Variants in SLC9A9 observed in about 807,000 individuals in gnomAD.
The protein encoded by SLC9A9 is solute carrier family 9 member A9, also known as sodium/hydrogen exchanger 9.
A neutral mutation model predicts 77.8 loss-of-function variants in SLC9A9; 62 were observed. That is an observed-to-expected ratio of 0.80 (90% CI 0.65 to 0.98). The LOEUF is 0.98. SLC9A9 is among the 50% of genes least tolerant of loss of function. The pLI is 0.00. For synonymous variants in SLC9A9, 320 were observed against 283.5 expected, an observed-to-expected ratio of 1.13 and a Z score of -1.29; for missense variants, 775 against 774.9, an observed-to-expected ratio of 1.00 and a Z score of 0.00.
In SLC9A9 at chr3:143,795,571, T is replaced by A. The variant is rs374457635; in HGVS notation, c.457-494A>T. Reference sequence around the variant, plus strand: ...CTTCTGAATGTGATGAAAATAAACTTTAAAAATCTACAACAGCCTGGTGGG... The same window carrying A: ...CTTCTGAATGTGATGAAAATAAACTATAAAAATCTACAACAGCCTGGTGGG... On this transcript the variant is annotated intron_variant, in intron 3 of 15. Transcript: ENST00000316549. Among the ~76,000 whole-genome samples the A allele has an allele frequency of 6.2e-4, 94 of 152,280 alleles. No homozygotes were observed. The South Asian group carries it at 0.013, about 22-fold the overall frequency.
chr3:143,453,334 C>G (rs558873916), intron 12 of SLC9A9, among the ~76,000 whole-genome samples: 4 of 152,028 alleles, frequency 2.6e-5, no homozygotes, highest in African/African-American at 9.6e-5. Context: ...AATGGAAAAG[C>G]CTTTAGTTCA....
intron 2 of SLC9A9, among the ~76,000 whole-genome samples, chr3:143,810,598 G>A (rs2008839512): frequency 1.3e-5 from 2 of 152,310 alleles, no homozygotes; most frequent in African/African-American, 4.8e-5. Flanking sequence ...ATATGCATGG[G>A]CAAATGAAAT....
intron 4 of SLC9A9, among the ~76,000 whole-genome samples, chr3:143,792,712 C>T (rs1013303416): frequency 6.6e-6 from 1 of 152,162 alleles, no homozygotes; most frequent in Admixed American, 6.5e-5. Flanking sequence ...ACTTCACTTA[C>T]TTGCCCTGGG....
intron 6 of SLC9A9, among the ~76,000 whole-genome samples, chr3:143,613,659 A>G (rs2038054806): frequency 6.6e-6 from 1 of 151,628 alleles, no homozygotes. Context: ...TTCTCACTGA[A>G]TTATAATGCC....
chr3:143,706,571 C>T (rs1013955028), intron 4 of SLC9A9, among the ~76,000 whole-genome samples: 3 of 152,212 alleles, frequency 2.0e-5, no homozygotes, highest in African/African-American at 7.2e-5. Context: ...CCCCATTCAG[C>T]TCTGCTGTGG....
intron 4 of SLC9A9, among the ~76,000 whole-genome samples, chr3:143,760,064 A>G (rs1008072203): frequency 6.6e-6 from 1 of 152,146 alleles, no homozygotes; most frequent in African/African-American, 2.4e-5. Context: ...CAAATAGTTT[A>G]CTATCTTGAG....
chr3:143,407,418 A>G (rs1050643041), intron 12 of SLC9A9, among the ~76,000 whole-genome samples: 4 of 152,196 alleles, frequency 2.6e-5, no homozygotes, highest in South Asian at 2.1e-4. Flanking sequence ...TCAAGAATCT[A>G]TGCATCTGTA....
intron 14 of SLC9A9, among the ~76,000 whole-genome samples, chr3:143,356,088 C>T (rs894145444): frequency 6.6e-6 from 1 of 152,102 alleles, no homozygotes; most frequent in African/African-American, 2.4e-5. Context: ...TTGGGATCCA[C>T]AATATTTTAT....
intron 4 of SLC9A9, among the ~76,000 whole-genome samples, chr3:143,773,323 G>A (rs2007587993): frequency 6.6e-6 from 1 of 152,044 alleles, no homozygotes; most frequent in Non-Finnish European, 1.5e-5. Flanking sequence ...TTCTTAAGTT[G>A]CATTTCCACC....
intron 11 of SLC9A9, among the ~76,000 whole-genome samples, chr3:143,480,742 TGAGGAA>T (rs1332182942): frequency 1.6e-4 from 24 of 152,220 alleles, no homozygotes; most frequent in Admixed American, 1.5e-3. Flanking sequence ...CTTGTACTGG[TGAGGAA>T]GAGGCAGTGG....
At chr3:143,584,000 A>C (rs1362171424) in intron 6 of SLC9A9, among the ~76,000 whole-genome samples, 1 of 152,158 alleles carries the variant, frequency 6.6e-6, no homozygotes, top group Non-Finnish European at 1.5e-5. Context: ...GGAGGGGGAG[A>C]AGAAGGAAGA....
chr3:143,374,091 C>T (rs2033119272), intron 13 of SLC9A9, among the ~76,000 whole-genome samples: 1 of 151,786 alleles, frequency 6.6e-6, no homozygotes, highest in African/African-American at 2.4e-5. Flanking sequence ...TATTATGTTC[C>T]AGGAAATTAA....
intron 2 of SLC9A9, among the ~76,000 whole-genome samples, chr3:143,801,145 C>T (rs990091605): frequency 1.3e-5 from 2 of 152,164 alleles, no homozygotes; most frequent in African/African-American, 4.8e-5. Flanking sequence ...AGAGACTGCT[C>T]CCACACTAGC....
chr3:143,698,624 T>G (rs1327570733), intron 4 of SLC9A9, among the ~76,000 whole-genome samples: 1 of 152,214 alleles, frequency 6.6e-6, no homozygotes, highest in Non-Finnish European at 1.5e-5. Flanking sequence ...TTCCAGAAGT[T>G]TTAATTGTTT....
chr3:143,734,388 A>G (rs996357507), intron 4 of SLC9A9, among the ~76,000 whole-genome samples: 3 of 152,142 alleles, frequency 2.0e-5, no homozygotes, highest in Non-Finnish European at 4.4e-5. Context: ...ATGTATAGAA[A>G]AAAAAGAAAT....
intron 13 of SLC9A9, among the ~76,000 whole-genome samples, chr3:143,364,715 A>G (rs1261944290): frequency 1.3e-5 from 2 of 152,220 alleles, no homozygotes; most frequent in Non-Finnish European, 2.9e-5. Context: ...AACTACAAGA[A>G]AGCAAAGTGT....
chr3:143,571,136 T>A (rs189949274), intron 8 of SLC9A9, among the ~76,000 whole-genome samples: 2 of 152,160 alleles, frequency 1.3e-5, no homozygotes, highest in Admixed American at 1.3e-4. Context: ...GGTCAGGGCC[T>A]GGGGAATTCT....
At position 143,382,022 on chromosome 3, in the gene SLC9A9, A is replaced by T. The variant is rs775362339; in HGVS notation, c.1524+38T>A. 6 of 1,611,378 alleles carry T rather than the reference A, an allele frequency of 3.7e-6. No homozygotes were observed. The East Asian group carries it at 1.3e-4, about 36-fold the overall frequency. ...GAACAGCCTATGGAACAGAACAATC[A>T]TATCTCTATATAATGTGCATTGGTT... On this transcript the variant is annotated intron_variant, in intron 13 of 15. Transcript: ENST00000316549.
chr3:143,334,328 T>C (rs532924715), intron 14 of SLC9A9, among the ~76,000 whole-genome samples: 1 of 152,304 alleles, frequency 6.6e-6, no homozygotes, highest in East Asian at 1.9e-4. Context: ...ACGATCCTGG[T>C]CATTAGATTT....
Sources: gnomAD v4.1 joint callset for allele counts (sites outside exome capture counted in the v4.1 genomes callset) on GRCh38, gnomAD v4.1.1 for gene constraint, MANE v1.5 for transcripts, NCBI Gene and HGNC (gene_info 2026-07-23, HGNC 2026-07-21) for gene names.